The following MAD1L1 variants were observed in gnomAD, a reference collection of about 807,000 sequenced individuals.
The protein encoded by MAD1L1 is mitotic spindle assembly checkpoint protein MAD1.
In MAD1L1, 95 loss-of-function variants were observed where a neutral mutation model predicts 96.9. The observed-to-expected ratio is 0.98, with a 90% CI of 0.83 to 1.16. The LOEUF is 1.16. MAD1L1 is among the 50% of genes most tolerant of loss of function. The pLI is 0.00. For synonymous variants in MAD1L1, 473 were observed against 396.6 expected (o/e 1.19, Z -2.29); for missense variants, 1,007 against 954.4 (o/e 1.06, Z -0.73).
intron 17 of MAD1L1, among the ~76,000 whole-genome samples, chr7:1,929,769 C>A (rs1157856180): frequency 1.3e-3 from 187 of 145,866 alleles, no homozygotes; most frequent in African/African-American, 4.8e-3. Flanking sequence ...GCCACGTCCC[C>A]TCGCCCCGTC....
At chr7:1,897,484 C>T (rs1032248643) in intron 18 of MAD1L1, among the ~76,000 whole-genome samples, 1 of 152,208 alleles carries the variant, frequency 6.6e-6, no homozygotes, top group African/African-American at 2.4e-5. Flanking sequence ...CCTCACAAAC[C>T]GGAGGTTAGC....
intron 12 of MAD1L1, among the ~76,000 whole-genome samples, chr7:2,034,520 G>A (rs1478637725): frequency 2.6e-5 from 4 of 152,158 alleles, no homozygotes; most frequent in African/African-American, 9.7e-5. Context: ...CCGGCCAAGA[G>A]TTTACTTTTG....
intron 16 of MAD1L1, among the ~76,000 whole-genome samples, chr7:1,952,340 C>T (rs1022758281): frequency 1.3e-5 from 2 of 152,218 alleles, no homozygotes; most frequent in East Asian, 3.9e-4. Flanking sequence ...CCGGAGTGGG[C>T]GCTTCTCCTG....
At chr7:2,178,949 T>C (rs1470576440) in intron 10 of MAD1L1, among the ~76,000 whole-genome samples, 1 of 151,704 alleles carries the variant, frequency 6.6e-6, no homozygotes, top group African/African-American at 2.4e-5. Flanking sequence ...ATTGATGAAT[T>C]GGATTTCATC....
At chr7:2,123,065 A>T (rs1445539096) in intron 11 of MAD1L1, among the ~76,000 whole-genome samples, 2 of 151,396 alleles carry the variant, frequency 1.3e-5, no homozygotes, top group Non-Finnish European at 2.9e-5. Context: ...GCACTTTGGG[A>T]GGCCAAGGCA....
intron 17 of MAD1L1, among the ~76,000 whole-genome samples, chr7:1,913,728 G>C (rs1788169131): frequency 6.6e-6 from 1 of 152,166 alleles, no homozygotes; most frequent in Non-Finnish European, 1.5e-5. Context: ...AGGCTGAGAG[G>C]GAAGCAGCTG....
At chr7:1,952,780 G>C (rs1158206803) in intron 16 of MAD1L1, among the ~76,000 whole-genome samples, 1 of 152,224 alleles carries the variant, frequency 6.6e-6, no homozygotes, top group Non-Finnish European at 1.5e-5. Context: ...CATCGTCCCG[G>C]TCCAGAGGCC....
intron 18 of MAD1L1, among the ~76,000 whole-genome samples, chr7:1,860,570 C>T (rs147608541): frequency 0.013 from 2,025 of 152,258 alleles, 38 homozygotes; most frequent in African/African-American, 0.046. Context: ...CCTCACAAAA[C>T]GCTTTGTTCT....
chr7:1,898,463 G>A (rs1002878833), intron 17 of MAD1L1, 73 bp from the exon 18 acceptor site: 1 of 1,395,792 alleles, frequency 7.2e-7, no homozygotes, highest in Non-Finnish European at 1.0e-6. Context: ...AGCGGCCAGG[G>A]CAGGGAGGAA....
chr7:1,965,216 A>G (rs995781864), intron 15 of MAD1L1, among the ~76,000 whole-genome samples: 1 of 152,182 alleles, frequency 6.6e-6, no homozygotes, highest in Non-Finnish European at 1.5e-5. Flanking sequence ...AGATGGTCAC[A>G]CAAGGGTGGG....
intron 10 of MAD1L1, among the ~76,000 whole-genome samples, chr7:2,194,787 C>T (rs995518325): frequency 6.6e-6 from 1 of 152,022 alleles, no homozygotes; most frequent in Non-Finnish European, 1.5e-5. Flanking sequence ...TATTAAAAGT[C>T]TTTGGGCTGG....
intron 5 of MAD1L1, chr7:2,220,773 A>T (rs1793559101): frequency 8.6e-7 from 1 of 1,166,708 alleles, no homozygotes; most frequent in Non-Finnish European, 1.2e-6. Flanking sequence ...GGTTTACTTC[A>T]CCACAACAGT....
rs1254832938 is a variant in MAD1L1, at chr7:1,936,844, G to A, written c.1650C>T (p.Thr550=). The A allele has an allele frequency of 3.1e-6, 5 of 1,606,816 alleles. No homozygotes were observed. Among genetic ancestry groups the A allele is most frequent in the African/African-American group, 1.3e-5 (1 of 74,868 alleles). The change falls in exon 17 of 19, where the codon ACC becomes ACT. Residue 550 remains threonine (T), a synonymous_variant. Coordinates refer to ENST00000265854, the MANE Select transcript of MAD1L1 (RefSeq NM_001013836.2). ...CGCGCAGGCGCTGCCTGGCCACACT[G>A]GTGGGGTTCAGGCTCATGTGCAGCA... ...TKVLHMSLNP[T]SVARQRLRED...
intron 7 of MAD1L1, 97 bp downstream of exon 7, chr7:2,217,865 C>G (rs1562382037): frequency 9.8e-7 from 1 of 1,019,042 alleles, no homozygotes; most frequent in Non-Finnish European, 1.5e-6. Context: ...CACAGAAGGA[C>G]CACGGAGCTC....
chr7:2,003,218 G>A (rs1781884074), intron 13 of MAD1L1, among the ~76,000 whole-genome samples: 1 of 152,228 alleles, frequency 6.6e-6, no homozygotes. Context: ...AAACCACCAG[G>A]CAAGTCACCA....
chr7:1,864,843 C>T (rs1784705866), intron 18 of MAD1L1, among the ~76,000 whole-genome samples: 1 of 152,184 alleles, frequency 6.6e-6, no homozygotes, highest in Admixed American at 6.5e-5. Context: ...CACAACAGCT[C>T]CCCTCGACTT....
At position 2,159,539 on chromosome 7, in the gene MAD1L1, T is replaced by C. The variant is rs115098469; in HGVS notation, c.987-10301A>G. On this transcript the variant is annotated intron_variant, in intron 10 of 18. Transcript: ENST00000265854. ...TTATTTAGTGTCTTTCCCCCTCCAC[T>C]GGAATGCAGGCTCCAGAAAGGCATG... 7.8e-3 allele frequency among the ~76,000 whole-genome samples: 1,193 copies of C among 152,330 alleles called. 14 individuals are homozygous for C. Among genetic ancestry groups the C allele is most frequent in the African/African-American group, 0.028 (1,152 of 41,562 alleles).
Position 1,879,690 on chromosome 7 carries a change from C to G in MAD1L1, c.1998+18510G>C, listed in dbSNP as rs138780434. Among the ~76,000 whole-genome samples the G allele has an allele frequency of 2.9e-3, 442 of 152,294 alleles. 3 individuals are homozygous for G. Among genetic ancestry groups the G allele is most frequent in the African/African-American group, 0.01 (418 of 41,540 alleles). On this transcript the variant is annotated intron_variant, in intron 18 of 18. Transcript: ENST00000265854. ...ATTCAGGATAGCAGCACAAGGTCAC[C>G]TGAATGGAACACAGAGTTCAGAAAC...
intron 15 of MAD1L1, among the ~76,000 whole-genome samples, chr7:1,967,434 G>A (rs998546785): frequency 6.6e-6 from 1 of 152,226 alleles, no homozygotes; most frequent in Non-Finnish European, 1.5e-5. Context: ...CTGACCCGAT[G>A]ACATCATGTA....
Sources: allele counts gnomAD v4.1 joint callset (sites outside exome capture counted in the v4.1 genomes callset), GRCh38; gene constraint gnomAD v4.1.1; transcripts MANE v1.5; gene names NCBI Gene and HGNC (gene_info 2026-07-23, HGNC 2026-07-21).